KCTD1: variants seen among roughly 807,000 people sequenced by gnomAD.
The protein encoded by KCTD1 is potassium channel tetramerization domain containing 1.
Under a neutral mutation model 66.0 loss-of-function variants are expected in KCTD1, and 24 were observed. The ratio of observed to expected loss-of-function variants is 0.36; its 90% CI spans 0.26 to 0.51. The LOEUF (loss-of-function observed/expected upper bound fraction) is 0.51, where lower values mean the gene tolerates loss of function less well. Among genes scored for constraint, KCTD1 ranks in the 20% least tolerant of loss-of-function variants. The pLI is 0.95. For synonymous variants in KCTD1, 511 were observed against 517.2 expected (o/e 0.99, Z 0.16); for missense variants, 943 against 1,205.2 (o/e 0.78, Z 3.22).
intron 1 of KCTD1, among the ~76,000 whole-genome samples, chr18:26,507,749 A>C (rs1983118557): frequency 6.6e-6 from 1 of 151,986 alleles, no homozygotes. Flanking sequence ...TTGGAAGAGC[A>C]CTGAAGAAAA....
At chr18:26,535,979 A>AAAAAT (rs1339149540) in intron 1 of KCTD1, among the ~76,000 whole-genome samples, 11 of 151,242 alleles carry the variant, frequency 7.3e-5, no homozygotes, top group African/African-American at 2.0e-4. Flanking sequence ...TCCAAAAAAA[A>AAAAAT]AAAAAAAAGA....
rs115935563 is a variant in KCTD1 at position 26,465,691 on chromosome 18, G to A, written c.2134-5766C>T. On this transcript the variant is annotated intron_variant, in intron 3 of 4. Transcript: ENST00000580059. Reference sequence around the variant, plus strand: ...GTGCTGACGGCGGGACGGAAGGCAGGCCCACCAGCATTCTGAAACAACACC... The same window carrying A: ...GTGCTGACGGCGGGACGGAAGGCAGACCCACCAGCATTCTGAAACAACACC... Among the ~76,000 whole-genome samples, 826 of 152,278 alleles carry A rather than the reference G, an allele frequency of 5.4e-3. 5 individuals are homozygous for A. Among genetic ancestry groups the A allele is most frequent in the African/African-American group, 0.019 (771 of 41,558 alleles).
At chr18:26,599,945 A>G in intron 1 of KCTD1, 1 of 1,595,852 alleles carries the variant, frequency 6.3e-7, no homozygotes, top group Non-Finnish European at 8.6e-7. Flanking sequence ...ATCACCAAGA[A>G]GTCTTCTCCT....
intron 3 of KCTD1, 71 bp from the exon 4 acceptor site, chr18:26,459,996 G>T: frequency 8.5e-7 from 1 of 1,171,964 alleles, no homozygotes; most frequent in Non-Finnish European, 1.2e-6. Context: ...ACATCTAAGA[G>T]GTGATTTTTT....
intron 3 of KCTD1, among the ~76,000 whole-genome samples, chr18:26,475,459 C>T (rs904044955): frequency 4.6e-5 from 7 of 151,714 alleles, no homozygotes; most frequent in African/African-American, 1.7e-4. Flanking sequence ...CTTAATCAGC[C>T]TTTGCTTGTT....
rs55720907 is a variant in KCTD1, at chr18:26,583,393, C to CAA, written c.-16+45752_-16+45753dup. Among the ~76,000 whole-genome samples the CAA allele has an allele frequency of 2.3e-3, 190 of 83,650 alleles. 2 individuals are homozygous for CAA. Among genetic ancestry groups the CAA allele is most frequent in the Non-Finnish European group, 3.0e-3 (138 of 45,740 alleles). 54.9% of individuals were successfully genotyped at this position (83,650 alleles called of 152,430 possible). A position where few individuals can be genotyped will look rare whatever the true frequency, so the allele number is the denominator to read the frequency against. On this transcript the variant is annotated intron_variant, in intron 1 of 4. Coordinates refer to the KCTD1 transcript ENST00000317932. The stretch of plus-strand genomic sequence containing the variant: ...TGGGTGACAGAGCAAGACTTTGTCT[C>CAA]AAAAAAAAAAAAAAAAAAAAAAAAG...
chr18:26,595,191 G>T (rs77185248), intron 1 of KCTD1, among the ~76,000 whole-genome samples: 6,042 of 152,062 alleles, frequency 0.04, 245 homozygotes, highest in African/African-American at 0.11. Context: ...CTGGCACAAG[G>T]GGCTTCCTCA....
intron 1 of KCTD1, among the ~76,000 whole-genome samples, chr18:26,524,026 G>T (rs546087452): frequency 6.6e-6 from 1 of 152,326 alleles, no homozygotes; most frequent in South Asian, 2.1e-4. Context: ...AGTCACACTG[G>T]AGACAATGTA....
chr18:26,508,867 C>T (rs9949688), intron 1 of KCTD1, among the ~76,000 whole-genome samples: 62,812 of 151,930 alleles, frequency 0.41, 14,100 homozygotes, highest in Middle Eastern at 0.54. Flanking sequence ...TGGAAATTTG[C>T]GGTTGCCTTG....
At chr18:26,484,200 A>G (rs567914314) in intron 2 of KCTD1, among the ~76,000 whole-genome samples, 2 of 152,334 alleles carry the variant, frequency 1.3e-5, no homozygotes, top group East Asian at 3.9e-4. Context: ...TCTATATTTC[A>G]TGAACACAGA....
Position 26,459,680 on chromosome 18 carries a change from G to T in KCTD1, c.2379C>A (p.His793Gln), listed in dbSNP as rs764240166. 1.9e-6 allele frequency: 3 copies of T among 1,613,008 alleles called. No individual in the cohort carries two copies. Among genetic ancestry groups the T allele is most frequent in the Non-Finnish European group, 2.5e-6 (3 of 1,179,164 alleles). Residue 793 changes from histidine to glutamine, a missense_variant, in exon 4 of 5, where the codon CAC becomes CAA. His to Gln is a conservative substitution (Grantham distance 24). This residue lies in a region of KCTD1 where 162 missense variants were observed against 232.4 expected (regional missense o/e 0.70). Transcript: ENST00000580059. ...MCNSVNAGWN[H>Q]DSTHVIRFPL... ...GAAACCTGATGACGTGCGTCGAGTC[G>T]TGATTCCAGCCTGCATTGACAGAGT...
intron 1 of KCTD1, among the ~76,000 whole-genome samples, chr18:26,611,226 T>C (rs934955649): frequency 6.6e-6 from 1 of 152,248 alleles, no homozygotes; most frequent in Admixed American, 6.5e-5. Flanking sequence ...CAATGTCTAA[T>C]CTTCATCTAT....
chr18:26,655,199 A>G (rs1447648752), intron 1 of KCTD1, among the ~76,000 whole-genome samples: 1 of 152,200 alleles, frequency 6.6e-6, no homozygotes, highest in Non-Finnish European at 1.5e-5. Context: ...ATGTTTCTCT[A>G]AAAAAACGCA....
At position 26,548,470 on chromosome 18, in the gene KCTD1, C is replaced by T; in HGVS notation, c.67G>A (p.Ala23Thr). 4.8e-6 allele frequency: 6 copies of T among 1,260,766 alleles called. No individual in the cohort carries two copies. Among genetic ancestry groups the T allele is most frequent in the Non-Finnish European group, 5.9e-6 (6 of 1,010,910 alleles). The allele number at this position is 1,260,766 out of a possible 1,614,324, so 78.1% of individuals were successfully genotyped here. ...SAGGSASAAA[A>T]AAENNGERGE... ...CGCTCCCCATTGTTCTCGGCGGCGG[C>T]GGCGGCAGCGCTGGCGCTGCCGCCC... Residue 23 changes from alanine to threonine, a missense_variant, in exon 1 of 5, where the codon GCC becomes ACC. Ala to Thr is a moderately conservative substitution (Grantham distance 58, BLOSUM62 0). Transcript: ENST00000580059.
chr18:26,478,404 A>C (rs1373425188), intron 2 of KCTD1, among the ~76,000 whole-genome samples: 1 of 152,220 alleles, frequency 6.6e-6, no homozygotes, highest in African/African-American at 2.4e-5. Context: ...AAGAATTACC[A>C]ATATCGAATG....
chr18:26,575,326 A>G (rs1986199520), intron 1 of KCTD1: 1 of 152,184 alleles, frequency 6.6e-6, no homozygotes, highest in African/African-American at 2.4e-5. Flanking sequence ...AGACTTGAAA[A>G]TGCAGAGCGC....
rs1466016921 is a variant in KCTD1 at position 26,546,843 on chromosome 18, G to A, written c.1694C>T (p.Ala565Val). 6.6e-7 allele frequency: 1 copy of A among 1,522,378 alleles called. No homozygotes were observed. The highest frequency in any genetic ancestry group is 8.8e-7 in the Non-Finnish European group (1 of 1,135,754). The allele number at this position is 1,522,378 out of a possible 1,614,324, so 94.3% of individuals were successfully genotyped here. ...LCIRPSEPVD[A>V]VVVVSVKHDP... is the part of the protein sequence containing the mutation. ...GTGTTTCACGGAAACCACCACCACC[G>A]CATCCACAGGCTCCGAGGGGCGGAT... The change falls in exon 1 of 5, where the codon GCG becomes GTG. Residue 565 changes from alanine to valine, a missense_variant. By Grantham distance (64) the Ala-to-Val change is moderately conservative. Coordinates refer to ENST00000580059, the MANE Select transcript of KCTD1 (RefSeq NM_001142730.3).
chr18:26,543,685 A>G (rs1321439808), intron 1 of KCTD1: 4 of 152,248 alleles, frequency 2.6e-5, no homozygotes, highest in Non-Finnish European at 4.4e-5. Flanking sequence ...CCAGCCCCCA[A>G]AATCTTTCCA....
At chr18:26,584,562 G>A (rs1198050757) in intron 1 of KCTD1, among the ~76,000 whole-genome samples, 1 of 152,142 alleles carries the variant, frequency 6.6e-6, no homozygotes, top group Non-Finnish European at 1.5e-5. Context: ...CTATTTATGA[G>A]GAGATTACTA....
Sources: allele counts gnomAD v4.1 joint callset (sites outside exome capture counted in the v4.1 genomes callset), GRCh38; gene constraint gnomAD v4.1.1; regional missense constraint gnomAD v4.1.1; transcripts MANE v1.5; gene names NCBI Gene and HGNC (gene_info 2026-07-23, HGNC 2026-07-21).